SMCHD1: variants seen among roughly 807,000 people sequenced by gnomAD.
SMCHD1 encodes the protein structural maintenance of chromosomes flexible hinge domain containing 1.
In SMCHD1, 78 loss-of-function variants were observed where a neutral mutation model predicts 254.7. The ratio of observed to expected loss-of-function variants is 0.31; its 90% CI spans 0.26 to 0.37. SMCHD1 has a LOEUF of 0.37. Ranked by LOEUF, SMCHD1 falls within the 10% of genes least tolerant of loss-of-function variation. The probability of loss-of-function intolerance (pLI) is 1.00; values close to 1 mark genes in which losing one functional copy is unlikely to be tolerated. For synonymous variants in SMCHD1, 766 were observed against 794.9 expected (o/e 0.96, Z 0.61); for missense variants, 1,840 against 2,408.1 (o/e 0.76, Z 4.94).
chr18:2,719,918 G>T (rs549881499), intron 19 of SMCHD1, among the ~76,000 whole-genome samples: 1 of 152,182 alleles, frequency 6.6e-6, no homozygotes, highest in Middle Eastern at 3.4e-3. Flanking sequence ...CAGGTCATCC[G>T]CCAGCCTCGG....
At chr18:2,782,231 T>C (rs1384510578) in intron 44 of SMCHD1, among the ~76,000 whole-genome samples, 1 of 152,212 alleles carries the variant, frequency 6.6e-6, no homozygotes, top group Non-Finnish European at 1.5e-5. Flanking sequence ...ATTTGCAGAA[T>C]TTGCAAACAC....
intron 20 of SMCHD1, among the ~76,000 whole-genome samples, chr18:2,723,114 C>T (rs925411593): frequency 8.5e-5 from 13 of 152,254 alleles, no homozygotes; most frequent in African/African-American, 2.9e-4. Context: ...TAAATTTTCT[C>T]GACCTTATGA....
At chr18:2,762,008 A>G in intron 35 of SMCHD1, 97 bp from the exon 36 acceptor site, 7 of 936,984 alleles carry the variant, frequency 7.5e-6, no homozygotes, top group Admixed American at 4.9e-5. Context: ...GTAACATTTA[A>G]TTTTATTTAG....
chr18:2,673,334 A>G lies in SMCHD1; in HGVS notation c.478A>G (p.Ile160Val). 6.3e-7 allele frequency: 1 copy of G among 1,583,968 alleles called. No individual in the cohort carries two copies. Residue 160 changes from isoleucine to valine, a missense_variant, in exon 4 of 48, where the codon ATT becomes GTT. This residue lies in a region of SMCHD1 where 498 missense variants were observed against 743.5 expected (regional missense o/e 0.67). Coordinates refer to ENST00000320876, the MANE Select transcript of SMCHD1 (RefSeq NM_015295.3). ...DNSLSATSRNIGVRRIQIKLL... is the reference protein window; with the variant it reads ...DNSLSATSRNVGVRRIQIKLL... ...TTCATTGTCTGCTACTTCTCGTAAC[A>G]TTGGGGTTAGAAGAATACAGATCAA... is the stretch of plus-strand genomic sequence containing the variant.
chr18:2,743,701 T>A lies in SMCHD1; in HGVS notation c.3634-60T>A. The A allele has an allele frequency of 2.3e-6, 3 of 1,297,298 alleles. No homozygotes were observed. The South Asian group carries it at 5.3e-5, about 23-fold the overall frequency. The allele number at this position is 1,297,298 out of a possible 1,614,324, so 80.4% of individuals were successfully genotyped here. A position where few individuals can be genotyped will look rare whatever the true frequency, so the allele number is the denominator to read the frequency against. On this transcript the variant is annotated intron_variant, in intron 28 of 47. Transcript: ENST00000320876. The stretch of plus-strand genomic sequence containing the variant: ...TGGGTTAATGACAAAACATTTTATT[T>A]TGTTTTTCTGAACACTAAGTGATAC...
At chr18:2,768,479 C>A (rs1478597811) in intron 37 of SMCHD1, among the ~76,000 whole-genome samples, 1 of 151,942 alleles carries the variant, frequency 6.6e-6, no homozygotes, top group African/African-American at 2.4e-5. Flanking sequence ...TTATACTTCT[C>A]ATTATTCATC....
chr18:2,754,904 G>A (rs186330386), intron 34 of SMCHD1, among the ~76,000 whole-genome samples: 279 of 152,074 alleles, frequency 1.8e-3, no homozygotes, highest in African/African-American at 6.1e-3. Flanking sequence ...GGGAGGCAGA[G>A]GCAGGCAGAT....
At chr18:2,717,160 G>C (rs2074819387) in intron 17 of SMCHD1, among the ~76,000 whole-genome samples, 1 of 152,100 alleles carries the variant, frequency 6.6e-6, no homozygotes, top group Non-Finnish European at 1.5e-5. Flanking sequence ...CCCAGGTCTG[G>C]GAGTATGGGT....
At chr18:2,767,484 T>C (rs199519547) in intron 37 of SMCHD1, among the ~76,000 whole-genome samples, 2 of 151,714 alleles carry the variant, frequency 1.3e-5, no homozygotes, top group East Asian at 3.9e-4. Context: ...AAGAAATACA[T>C]CATCAGGTGA....
At chr18:2,698,258 T>G (rs2074325500) in intron 10 of SMCHD1, among the ~76,000 whole-genome samples, 1 of 152,220 alleles carries the variant, frequency 6.6e-6, no homozygotes, top group Non-Finnish European at 1.5e-5. Context: ...GAACTCTTCT[T>G]TTAGTTCTGT....
intron 29 of SMCHD1, among the ~76,000 whole-genome samples, chr18:2,746,668 T>C (rs574430316): frequency 1.3e-5 from 2 of 152,204 alleles, no homozygotes; most frequent in Non-Finnish European, 2.9e-5. Flanking sequence ...GGTAACCAGC[T>C]ACCTCAGTTA....
intron 37 of SMCHD1, 32 bp downstream of exon 37, chr18:2,763,821 T>C (rs769703574): frequency 6.3e-7 from 1 of 1,591,590 alleles, no homozygotes; most frequent in Non-Finnish European, 8.6e-7. Flanking sequence ...GTAGATAGAA[T>C]TTCTGTATTT....
chr18:2,781,079 C>T (rs1031972116), intron 44 of SMCHD1, among the ~76,000 whole-genome samples: 1 of 152,144 alleles, frequency 6.6e-6, no homozygotes, highest in African/African-American at 2.4e-5. Flanking sequence ...TTCACTCCCT[C>T]GAGGGGCTTT....
chr18:2,701,895 G>A (rs868048845), intron 12 of SMCHD1, among the ~76,000 whole-genome samples: 9 of 151,992 alleles, frequency 5.9e-5, no homozygotes, highest in African/African-American at 1.7e-4. Flanking sequence ...TTTGTAGTCA[G>A]TCAGTCCTGT....
In SMCHD1 at chr18:2,802,625, C is replaced by G. The variant is rs2076385205; in HGVS notation, c.*73C>G. The stretch of plus-strand genomic sequence containing the variant: ...TTTCTGCATCTCTGTTTCAGAAGAC[C>G]AAGAGGGTGACTTACCAGACTGAGT... On this transcript the variant is annotated 3_prime_UTR_variant, in exon 48 of 48. Coordinates refer to ENST00000320876, the MANE Select transcript of SMCHD1 (RefSeq NM_015295.3). 2.1e-6 allele frequency: 3 copies of G among 1,395,680 alleles called. No homozygotes were observed. The highest frequency in any genetic ancestry group is 2.9e-6 in the Non-Finnish European group (3 of 1,028,296). The allele number at this position is 1,395,680 out of a possible 1,614,324, so 86.5% of individuals were successfully genotyped here.
At chr18:2,731,226 T>C (rs1278066746) in intron 24 of SMCHD1, among the ~76,000 whole-genome samples, 2 of 152,224 alleles carry the variant, frequency 1.3e-5, no homozygotes, top group African/African-American at 4.8e-5. Flanking sequence ...TGCAACTGGA[T>C]GAGGAAGGAG....
chr18:2,692,620 T>C (rs769363760), intron 7 of SMCHD1, among the ~76,000 whole-genome samples: 14 of 152,248 alleles, frequency 9.2e-5, no homozygotes, highest in Non-Finnish European at 1.5e-4. Flanking sequence ...TCATCTTTTA[T>C]CATGTTTATC....
intron 1 of SMCHD1, among the ~76,000 whole-genome samples, chr18:2,661,538 A>T (rs1402838671): frequency 1.3e-5 from 2 of 150,448 alleles, no homozygotes; most frequent in Middle Eastern, 3.4e-3. Flanking sequence ...TATGGATTAA[A>T]CATCTGTGGG....
chr18:2,656,102 T>A lies in SMCHD1; in HGVS notation c.27T>A (p.Pro9=). The A allele has an allele frequency of 7.1e-7, 1 of 1,415,030 alleles. No homozygotes were observed. Among genetic ancestry groups the A allele is most frequent in the Non-Finnish European group, 9.2e-7 (1 of 1,082,010 alleles). 87.7% of individuals were successfully genotyped at this position (1,415,030 alleles called of 1,614,324 possible). A position where few individuals can be genotyped will look rare whatever the true frequency, so the allele number is the denominator to read the frequency against. MAAADGGG[P]GGASVGTEED... is the part of the protein sequence containing the mutation. ...TGGCAGCGGCGGACGGCGGCGGGCC[T>A]GGTGGGGCCTCTGTGGGGACTGAGG... The change falls in exon 1 of 48, where the codon CCT becomes CCA. Residue 9 remains proline (P), a synonymous_variant. Transcript: ENST00000320876.
Sources: gnomAD v4.1 joint callset for allele counts (sites outside exome capture counted in the v4.1 genomes callset) on GRCh38, gnomAD v4.1.1 for gene constraint, gnomAD v4.1.1 regional missense constraint, MANE v1.5 for transcripts, NCBI Gene and HGNC (gene_info 2026-07-23, HGNC 2026-07-21) for gene names.